Variants in TG observed in about 807,000 individuals in gnomAD.
TG encodes thyroglobulin, also known as thyroid hormones.
A neutral mutation model predicts 324.7 loss-of-function variants in TG; 270 were observed. That is an observed-to-expected ratio of 0.83 (90% CI 0.75 to 0.92). TG has a LOEUF of 0.92. TG is among the 40% of genes least tolerant of loss of function. The pLI is 0.00. For missense variants in TG, 3,591 were observed against 3,456.4 expected (o/e 1.04, Z -0.98); for synonymous variants, 1,401 against 1,327.0 (o/e 1.06, Z -1.21).
At chr8:133,112,530 A>G (rs528852429) in intron 43 of TG, among the ~76,000 whole-genome samples, 3 of 150,732 alleles carry the variant, frequency 2.0e-5, no homozygotes, top group East Asian at 2.0e-4. Flanking sequence ...AGAGGGGGGA[A>G]TTTCAGAGAG....
chr8:132,893,604 G>A, intron 10 of TG, 86 bp from the exon 11 acceptor site: 1 of 1,589,630 alleles, frequency 6.3e-7, no homozygotes, highest in Non-Finnish European at 8.6e-7. Context: ...GTGTATGTGT[G>A]TGCGTGAGGG....
Position 132,887,457 on chromosome 8 carries a change from T to C in TG, c.2085T>C (p.Pro695=), listed in dbSNP as rs770036953. Residue 695 remains proline, a synonymous_variant, in exon 9 of 48, where the codon CCT becomes CCC. Transcript: ENST00000220616. ...GTACTAGTGAGGGACATTTCCTGCCTGTCCAGTGCTTCAACTCAGAGTGCT... is the reference window on the plus strand; with the variant it reads ...GTACTAGTGAGGGACATTTCCTGCCCGTCCAGTGCTTCAACTCAGAGTGCT... ...PACTSEGHFL[P]VQCFNSECYC... The C allele has an allele frequency of 1.9e-6, 3 of 1,614,202 alleles. No homozygotes were observed. The East Asian group carries it at 6.7e-5, about 36-fold the overall frequency.
chr8:132,990,660 G>A (rs1226451813), intron 35 of TG, among the ~76,000 whole-genome samples: 1 of 152,090 alleles, frequency 6.6e-6, no homozygotes, highest in Non-Finnish European at 1.5e-5. Context: ...GACTGAATAT[G>A]CCAATCACCA....
intron 41 of TG, among the ~76,000 whole-genome samples, chr8:133,083,909 C>T (rs958574751): frequency 3.9e-5 from 6 of 152,120 alleles, no homozygotes; most frequent in African/African-American, 9.7e-5. Context: ...CCCCCTGGCT[C>T]CCCTCTCTCT....
chr8:133,034,049 A>G (rs907107800), intron 41 of TG, among the ~76,000 whole-genome samples: 7 of 152,224 alleles, frequency 4.6e-5, no homozygotes, highest in East Asian at 1.9e-4. Flanking sequence ...TTTGCAGTAT[A>G]TCTCATAGTG....
At chr8:133,044,863 A>G in intron 41 of TG, 1 of 933,238 alleles carries the variant, frequency 1.1e-6, no homozygotes, top group Non-Finnish European at 1.7e-6. Flanking sequence ...GAGAGAGCAT[A>G]TCATGAAGGC....
At chr8:132,973,876 A>G (rs1564025149) in intron 34 of TG, among the ~76,000 whole-genome samples, 1 of 151,986 alleles carries the variant, frequency 6.6e-6, no homozygotes, top group Non-Finnish European at 1.5e-5. Context: ...TTCAGAGTAA[A>G]TATATGGGGA....
chr8:132,931,190 T>C (rs1822663781), intron 23 of TG, among the ~76,000 whole-genome samples: 1 of 152,222 alleles, frequency 6.6e-6, no homozygotes, highest in African/African-American at 2.4e-5. Context: ...TATGTATGTG[T>C]CTGTATCCTA....
At chr8:133,021,853 A>T in intron 39 of TG, 138 bp from the exon 40 acceptor site, 1 of 1,006,274 alleles carries the variant, frequency 9.9e-7, no homozygotes, top group East Asian at 2.6e-5. Flanking sequence ...TTAGAGGGAC[A>T]CAGCTCCATC....
chr8:132,955,653 G>C (rs1826756773), intron 27 of TG, among the ~76,000 whole-genome samples: 1 of 152,174 alleles, frequency 6.6e-6, no homozygotes, highest in Admixed American at 6.5e-5. Context: ...CGGTGGTGGT[G>C]GTGTTAACTG....
intron 23 of TG, 76 bp downstream of exon 23, chr8:132,929,268 C>A: frequency 9.5e-7 from 1 of 1,051,160 alleles, no homozygotes; most frequent in East Asian, 2.4e-5. Context: ...CGAGACAAAC[C>A]AAATCAAACC....
At chr8:133,073,096 G>T (rs576922011) in intron 41 of TG, 1 of 152,264 alleles carries the variant, frequency 6.6e-6, no homozygotes, top group African/African-American at 2.4e-5. Context: ...AGAGAAACTG[G>T]TCTTCTTTTT....
intron 21 of TG, 70 bp downstream of exon 21, chr8:132,919,595 ATC>A (rs1047048525): frequency 6.9e-6 from 11 of 1,591,372 alleles, no homozygotes; most frequent in African/African-American, 1.3e-5. Flanking sequence ...GGGTTTCCCA[ATC>A]TCTGCACTAT....
intron 35 of TG, among the ~76,000 whole-genome samples, chr8:132,987,920 C>A (rs1831779378): frequency 6.6e-6 from 1 of 152,084 alleles, no homozygotes; most frequent in Non-Finnish European, 1.5e-5. Context: ...TTTAGAGCAG[C>A]CCTTATCACA....
chr8:132,964,601 G>A (rs1828268960), intron 29 of TG: 1 of 348,332 alleles, frequency 2.9e-6, no homozygotes, highest in Admixed American at 4.5e-5. Flanking sequence ...GAGAGTGATT[G>A]GTCTCATTGC....
At chr8:133,105,471 T>C (rs2131718124) in intron 43 of TG, among the ~76,000 whole-genome samples, 1 of 152,218 alleles carries the variant, frequency 6.6e-6, no homozygotes, top group Middle Eastern at 3.4e-3. Context: ...ATCAGGTAAT[T>C]GAGGGCTGGT....
intron 41 of TG, chr8:133,050,514 A>G (rs1840203270): frequency 9.4e-6 from 3 of 319,722 alleles, no homozygotes; most frequent in Middle Eastern, 9.2e-4. Context: ...CCTACATAAC[A>G]TCAACACTGC....
At chr8:132,995,355 A>C (rs1020954822) in intron 35 of TG, 1 of 985,216 alleles carries the variant, frequency 1.0e-6, no homozygotes, top group Non-Finnish European at 1.2e-6. Context: ...TCCTGCAGAG[A>C]TCAGACACAG....
At chr8:132,937,971 C>G (rs542245537) in intron 25 of TG, among the ~76,000 whole-genome samples, 1 of 152,082 alleles carries the variant, frequency 6.6e-6, no homozygotes, top group Non-Finnish European at 1.5e-5. Flanking sequence ...GCCCGGCAGC[C>G]GTTCTAGACC....
Sources: gnomAD v4.1 joint callset for allele counts (sites outside exome capture counted in the v4.1 genomes callset) on GRCh38, gnomAD v4.1.1 for gene constraint, MANE v1.5 for transcripts, NCBI Gene and HGNC (gene_info 2026-07-23, HGNC 2026-07-21) for gene names.